LRBA: variants seen among roughly 807,000 people sequenced by gnomAD.
LRBA encodes LPS responsive beige-like anchor protein.
In LRBA, 176 loss-of-function variants were observed where a neutral mutation model predicts 330.0. That is an observed-to-expected ratio of 0.53 (90% CI 0.47 to 0.60). The LOEUF is 0.60. LRBA is among the 20% of genes least tolerant of loss of function. The pLI, the probability that LRBA is intolerant of heterozygous loss-of-function variation, is 0.00. For synonymous variants in LRBA, 1,230 were observed against 1,193.0 expected, an observed-to-expected ratio of 1.03 and a Z score of -0.64; for missense variants, 3,259 against 3,444.8, an observed-to-expected ratio of 0.95 and a Z score of 1.35.
Position 150,549,363 on chromosome 4 carries a change from G to A in LRBA, c.6330+38685C>T, listed in dbSNP as rs868417105. Among the ~76,000 whole-genome samples, 6 of 149,616 alleles carry A rather than the reference G, an allele frequency of 4.0e-5. 1 individual carries two copies. Among genetic ancestry groups the A allele is most frequent in the South Asian group, 2.1e-4 (1 of 4,740 alleles). ...TTTATTTTTTTTTAGATGGAGTCTC[G>A]CTCTGTTGCCTATGCTGCAGTGCAG... On this transcript the variant is annotated intron_variant, in intron 40 of 56. Coordinates refer to ENST00000651943, the MANE Select transcript of LRBA (RefSeq NM_001364905.1).
At chr4:150,973,162 G>GTTTC (rs1241431385) in intron 2 of LRBA, among the ~76,000 whole-genome samples, 2 of 151,846 alleles carry the variant, frequency 1.3e-5, no homozygotes, top group Non-Finnish European at 2.9e-5. Flanking sequence ...TTGTTTGTTT[G>GTTTC]TTTGTTTGTT....
intron 42 of LRBA, among the ~76,000 whole-genome samples, chr4:150,487,115 T>G (rs2152092042): frequency 6.6e-6 from 1 of 151,906 alleles, no homozygotes; most frequent in African/African-American, 2.4e-5. Context: ...CAGATATCTC[T>G]TTGACATACT....
chr4:150,319,363 T>C (rs1455648958), intron 50 of LRBA, among the ~76,000 whole-genome samples: 1 of 152,120 alleles, frequency 6.6e-6, no homozygotes, highest in Non-Finnish European at 1.5e-5. Context: ...TTGGTGGTCC[T>C]GAAGTCACAC....
chr4:150,288,954 G>T (rs770954154), intron 53 of LRBA, among the ~76,000 whole-genome samples: 3 of 152,196 alleles, frequency 2.0e-5, no homozygotes, highest in Admixed American at 6.5e-5. Context: ...ACAAAGGACA[G>T]ATAGATAATG....
At chr4:150,914,433 T>A (rs1210593328) in intron 8 of LRBA, 92 bp from the exon 9 acceptor site, 2 of 857,512 alleles carry the variant, frequency 2.3e-6, no homozygotes, top group Non-Finnish European at 3.4e-6. Flanking sequence ...TTTTGTCCAT[T>A]CTAAACTGTA....
intron 44 of LRBA, among the ~76,000 whole-genome samples, chr4:150,465,602 C>T (rs980431799): frequency 2.6e-5 from 4 of 152,054 alleles, no homozygotes; most frequent in African/African-American, 9.7e-5. Flanking sequence ...TTACATTTCC[C>T]TAATAATTAG....
chr4:150,808,546 T>C (rs371776107), intron 31 of LRBA, 148 bp from the exon 32 acceptor site: 15 of 558,878 alleles, frequency 2.7e-5, no homozygotes, highest in Middle Eastern at 4.6e-4. Context: ...AATCTAACAA[T>C]TAACAACTAA....
intron 36 of LRBA, among the ~76,000 whole-genome samples, chr4:150,722,707 A>T (rs1476305526): frequency 6.6e-6 from 1 of 151,992 alleles, no homozygotes; most frequent in African/African-American, 2.4e-5. Context: ...AAATTTTAAC[A>T]ACTATCTGCA....
rs558550613 is a variant in LRBA, at chr4:150,555,029, T to C, written c.6330+33019A>G. ...ACGATAGTTGTAAGGGTTAGATAAC[T>C]ACTATAAATCTGTTTCAATATGTAC... On this transcript the variant is annotated intron_variant, in intron 40 of 56. Transcript: ENST00000651943. 2.0e-5 allele frequency among the ~76,000 whole-genome samples: 3 copies of C among 152,286 alleles called. No homozygotes were observed. The East Asian group carries it at 5.8e-4, about 29-fold the overall frequency.
intron 37 of LRBA, among the ~76,000 whole-genome samples, chr4:150,629,712 G>A (rs1204035909): frequency 1.3e-5 from 2 of 152,060 alleles, no homozygotes; most frequent in African/African-American, 2.4e-5. Flanking sequence ...GCTCACGCCT[G>A]TAATCCCAGC....
chr4:150,371,182 A>ATTTTTT lies in LRBA; in HGVS notation c.7195-21029_7195-21024dup, dbSNP rs70937395. Among the ~76,000 whole-genome samples, 569 of 91,934 alleles carry ATTTTTT rather than the reference A, an allele frequency of 6.2e-3. 28 individuals carry two copies. The highest frequency in any genetic ancestry group is 0.01 in the African/African-American group (218 of 20,816). 60.3% of individuals were successfully genotyped at this position (91,934 alleles called of 152,430 possible). A position where few individuals can be genotyped will look rare whatever the true frequency, so the allele number is the denominator to read the frequency against. On this transcript the variant is annotated intron_variant, in intron 47 of 56. Transcript: ENST00000651943. ...AAAAGCATGAGCTGCAAGCTACTAA[A>ATTTTTT]TTTTTTTTTTTTTTTTTTTTTTTTT... is the stretch of plus-strand genomic sequence containing the variant.
chr4:150,697,325 G>GAAAGAAAAAAAAAAAAAAAAAA lies in LRBA; in HGVS notation c.5755-13609_5755-13608insTTTTTTTTTTTTTTTTTTCTTT, dbSNP rs373474421. On this transcript the variant is annotated intron_variant, in intron 36 of 56. Transcript: ENST00000651943. ...GGTGACAGAGTGAGACTTTGTCTCA[G>GAAAGAAAAAAAAAAAAAAAAAA]AAAAAAAAAAAAAAAAAAAAAAAAA... Among the ~76,000 whole-genome samples the GAAAGAAAAAAAAAAAAAAAAAA allele has an allele frequency of 1.4e-4, 4 of 28,036 alleles. 1 individual carries two copies. Among genetic ancestry groups the GAAAGAAAAAAAAAAAAAAAAAA allele is most frequent in the African/African-American group, 5.3e-4 (4 of 7,586 alleles). 18.4% of individuals were successfully genotyped at this position (28,036 alleles called of 152,430 possible). A position where few individuals can be genotyped will look rare whatever the true frequency, so the allele number is the denominator to read the frequency against.
At chr4:150,330,230 C>T (rs139838500) in intron 48 of LRBA, among the ~76,000 whole-genome samples, 133 of 152,248 alleles carry the variant, frequency 8.7e-4, no homozygotes, top group Non-Finnish European at 1.5e-3. Flanking sequence ...ACATTTTCTA[C>T]CATGCCACTG....
intron 44 of LRBA, among the ~76,000 whole-genome samples, chr4:150,445,571 G>T (rs1034954335): frequency 6.6e-6 from 1 of 151,758 alleles, no homozygotes; most frequent in Admixed American, 6.6e-5. Flanking sequence ...AAGCAAGGAG[G>T]ATTCCAAATC....
chr4:150,914,182 G>C lies in LRBA; in HGVS notation c.1161+13C>G. On this transcript the variant is annotated intron_variant, in intron 9 of 56. Transcript: ENST00000651943. ...ACTAACATTGGTTAAGCACAAAACA[G>C]TAAGCAAACTACCTTGTATCCCAGG... 1 of 1,593,232 alleles carries C rather than the reference G, an allele frequency of 6.3e-7. No individual in the cohort carries two copies. Among genetic ancestry groups the C allele is most frequent in the East Asian group, 2.2e-5 (1 of 44,608 alleles).
intron 8 of LRBA, 139 bp downstream of exon 8, chr4:150,915,469 T>C (rs1328481345): frequency 5.8e-6 from 4 of 688,730 alleles, no homozygotes; most frequent in Non-Finnish European, 9.3e-6. Context: ...TCTATTAACA[T>C]GCTAGCCAAA....
chr4:150,567,281 A>G (rs993199367), intron 40 of LRBA, among the ~76,000 whole-genome samples: 1 of 152,166 alleles, frequency 6.6e-6, no homozygotes, highest in African/African-American at 2.4e-5. Context: ...ATTTCAGAGT[A>G]GGATAACAAG....
chr4:150,504,954 C>T (rs1760846320), intron 40 of LRBA, among the ~76,000 whole-genome samples: 1 of 152,082 alleles, frequency 6.6e-6, no homozygotes, highest in South Asian at 2.1e-4. Flanking sequence ...GACTTTAAAC[C>T]AACAAAGATC....
At chr4:150,910,699 CA>C (rs1579175457) in intron 9 of LRBA, among the ~76,000 whole-genome samples, 1 of 152,022 alleles carries the variant, frequency 6.6e-6, no homozygotes, top group Non-Finnish European at 1.5e-5. Context: ...TCTATTTATG[CA>C]AAAAATGCCA....
Sources: allele counts gnomAD v4.1 joint callset (sites outside exome capture counted in the v4.1 genomes callset), GRCh38; gene constraint gnomAD v4.1.1; transcripts MANE v1.5; gene names NCBI Gene and HGNC (gene_info 2026-07-23, HGNC 2026-07-21).